The following SLC18A1 variants were observed in gnomAD, a reference collection of about 807,000 sequenced individuals.
SLC18A1 encodes chromaffin granule amine transporter.
Under a neutral mutation model 53.7 loss-of-function variants are expected in SLC18A1, and 69 were observed. That is an observed-to-expected ratio of 1.28 (90% confidence interval 1.06 to 1.57). SLC18A1 has a LOEUF of 1.57. Among genes scored for constraint, SLC18A1 ranks in the 40% most tolerant of loss-of-function variants. The pLI is 0.00. For missense variants in SLC18A1, 932 were observed against 668.1 expected (o/e 1.40, Z -4.35); for synonymous variants, 320 against 248.1 (o/e 1.29, Z -2.72).
intron 3 of SLC18A1, 53 bp from the exon 4 acceptor site, chr8:20,178,546 C>T: frequency 7.6e-7 from 1 of 1,307,710 alleles, no homozygotes; most frequent in South Asian, 1.3e-5. Flanking sequence ...CACTCACATA[C>T]ATGGACTACA....
chr8:20,149,914 C>T (rs1156448732), intron 11 of SLC18A1, among the ~76,000 whole-genome samples, 187 bp from the exon 12 acceptor site: 1 of 152,174 alleles, frequency 6.6e-6, no homozygotes, highest in African/African-American at 2.4e-5. Flanking sequence ...CCTTGTCTCC[C>T]CTGGCTCCAT....
chr8:20,171,139 C>T lies in SLC18A1; in HGVS notation c.822G>A (p.Gln274=), dbSNP rs13264938. Residue 274 remains glutamine (Q), a synonymous_variant, in exon 8 of 16, where the codon CAG becomes CAA. Transcript: ENST00000276373. ...AFLALLDGAL[Q]LCILQPSKVS... ...CTTTGGAAGGCTGTAGGATGCAAAG[C>T]TGGAGTGCTAAGAAACAAAGAAGGT... 1.2e-6 allele frequency: 2 copies of T among 1,614,034 alleles called. No individual in the cohort carries two copies. Among genetic ancestry groups the T allele is most frequent in the Non-Finnish European group, 1.7e-6 (2 of 1,180,018 alleles).
At chr8:20,147,795 TA>T in intron 13 of SLC18A1, 73 bp from the exon 14 acceptor site, 1 of 1,581,944 alleles carries the variant, frequency 6.3e-7, no homozygotes, top group Non-Finnish European at 8.6e-7. Flanking sequence ...CTCCTCCATT[TA>T]GTCCATTTGC....
At chr8:20,148,509 C>T (rs1371338834) in intron 12 of SLC18A1, 2 of 1,282,592 alleles carry the variant, frequency 1.6e-6, no homozygotes, top group Non-Finnish European at 2.0e-6. Flanking sequence ...AGACTTCTAA[C>T]TTGGTAGCTG....
chr8:20,161,921 A>G (rs2071840016), intron 10 of SLC18A1, among the ~76,000 whole-genome samples: 1 of 152,276 alleles, frequency 6.6e-6, no homozygotes, highest in African/African-American at 2.4e-5. Context: ...TGGTGCCCCT[A>G]CAGTTCCGTG....
chr8:20,145,835 A>G lies in SLC18A1; in HGVS notation c.1506T>C (p.Tyr502=). 1.9e-6 allele frequency: 3 copies of G among 1,612,074 alleles called. No homozygotes were observed. Among genetic ancestry groups the G allele is most frequent in the Non-Finnish European group, 2.5e-6 (3 of 1,179,098 alleles). Residue 502 remains tyrosine, a synonymous_variant, in exon 16 of 16, where the codon TAT becomes TAC. Transcript: ENST00000276373. ...SQDCPMETRM[Y]ATQKPTKEFP... ...ATTCCTTCGTGGGCTTCTGGGTTGC[A>G]TACATCCGGGTCTCCATGGGGCAGT...
intron 2 of SLC18A1, 114 bp downstream of exon 2, chr8:20,180,727 G>T: frequency 1.5e-6 from 2 of 1,347,984 alleles, no homozygotes; most frequent in Non-Finnish European, 1.0e-6. Flanking sequence ...GTGTGTTTTT[G>T]AGCATAAAAA....
At chr8:20,172,771 G>A (rs952750406) in intron 6 of SLC18A1, among the ~76,000 whole-genome samples, 1 of 152,178 alleles carries the variant, frequency 6.6e-6, no homozygotes, top group African/African-American at 2.4e-5. Flanking sequence ...GTGTGCATGG[G>A]AACCGAGGCG....
intron 10 of SLC18A1, among the ~76,000 whole-genome samples, chr8:20,159,517 G>A (rs2071764181): frequency 6.6e-6 from 1 of 151,732 alleles, no homozygotes; most frequent in Admixed American, 6.6e-5. Flanking sequence ...AGCACAGAGG[G>A]AGGGACAATG....
chr8:20,149,608 CTCTCTCTCTG>C, intron 12 of SLC18A1, 58 bp downstream of exon 12: 4 of 1,253,572 alleles, frequency 3.2e-6, no homozygotes, highest in African/African-American at 1.8e-5. Flanking sequence ...CTCTCTCTCT[CTCTCTCTCTG>C]TCTGTCTGTC....
At chr8:20,153,294 T>C (rs2071605196) in intron 10 of SLC18A1, among the ~76,000 whole-genome samples, 1 of 151,828 alleles carries the variant, frequency 6.6e-6, no homozygotes, top group African/African-American at 2.4e-5. Flanking sequence ...TAGAGTGAAG[T>C]TTTTGGCAAG....
At chr8:20,170,315 G>T (rs75721193) in intron 8 of SLC18A1, among the ~76,000 whole-genome samples, 6,829 of 152,204 alleles carry the variant, frequency 0.045, 204 homozygotes, top group Middle Eastern at 0.1. Context: ...GTAGAGTGAG[G>T]CTAAAAATTG....
chr8:20,156,501 G>T (rs2071685586), intron 10 of SLC18A1, among the ~76,000 whole-genome samples: 1 of 152,170 alleles, frequency 6.6e-6, no homozygotes, highest in Admixed American at 6.5e-5. Flanking sequence ...ACCGTAATGG[G>T]TATTCAGTAA....
chr8:20,171,383 G>A (rs748062953), intron 7 of SLC18A1, 22 bp downstream of exon 7: 12 of 1,601,074 alleles, frequency 7.5e-6, no homozygotes, highest in South Asian at 2.2e-5. Flanking sequence ...GTCACCTGCT[G>A]GAGGCTCTGA....
In SLC18A1 at chr8:20,145,430, G is replaced by T. The variant is rs115155667; in HGVS notation, c.*333C>A. On this transcript the variant is annotated 3_prime_UTR_variant, in exon 16 of 16. Coordinates refer to ENST00000276373, the MANE Select transcript of SLC18A1 (RefSeq NM_003053.4). ...TTGTCAGTCACCCCACTGGTTTCAG[G>T]GGCACATTACTCACTACCACCTCTA... 3 of 181,056 alleles carry T rather than the reference G, an allele frequency of 1.7e-5. No individual in the cohort carries two copies. The highest frequency in any genetic ancestry group is 4.7e-5 in the African/African-American group (2 of 42,548). The allele number at this position is 181,056 out of a possible 1,614,324, so 11.2% of individuals were successfully genotyped here. A position where few individuals can be genotyped will look rare whatever the true frequency, so the allele number is the denominator to read the frequency against.
intron 8 of SLC18A1, among the ~76,000 whole-genome samples, chr8:20,169,488 C>T (rs985958127): frequency 2.4e-4 from 36 of 152,126 alleles, no homozygotes; most frequent in African/African-American, 8.5e-4. Context: ...AGGGAAAATG[C>T]TCTAAAGTAT....
intron 10 of SLC18A1, among the ~76,000 whole-genome samples, chr8:20,156,649 C>G (rs2071689298): frequency 6.6e-6 from 1 of 152,298 alleles, no homozygotes; most frequent in South Asian, 2.1e-4. Flanking sequence ...TCTCCTTGCT[C>G]TTCTTCTTTT....
intron 8 of SLC18A1, among the ~76,000 whole-genome samples, chr8:20,169,833 C>T (rs1322044758): frequency 5.9e-5 from 9 of 152,144 alleles, no homozygotes; most frequent in Non-Finnish European, 1.3e-4. Context: ...GAGCCGAGAT[C>T]GCCCCACTGT....
intron 10 of SLC18A1, among the ~76,000 whole-genome samples, chr8:20,155,380 G>GAGGCTTTCTGGGAAA (rs1585196963): frequency 6.6e-6 from 1 of 152,304 alleles, no homozygotes; most frequent in East Asian, 1.9e-4. Context: ...ACTCAGCTGG[G>GAGGCTTTCTGGGAAA]AGGCTTTCTG....
Sources: gnomAD v4.1 joint callset for allele counts (sites outside exome capture counted in the v4.1 genomes callset) on GRCh38, gnomAD v4.1.1 for gene constraint, MANE v1.5 for transcripts, NCBI Gene and HGNC (gene_info 2026-07-23, HGNC 2026-07-21) for gene names.